STPG2: variants seen among roughly 807,000 people sequenced by gnomAD.
STPG2 encodes the protein sperm tail PG-rich repeat containing 2.
Under a neutral mutation model 54.2 loss-of-function variants are expected in STPG2, and 56 were observed. That is an observed-to-expected ratio of 1.03 (90% confidence interval 0.83 to 1.29). The LOEUF is 1.29. STPG2 is among the 50% of genes most tolerant of loss of function. The pLI, the probability that STPG2 is intolerant of heterozygous loss-of-function variation, is 0.00. For synonymous variants in STPG2, 200 were observed against 181.8 expected (o/e 1.10, Z -0.81); for missense variants, 596 against 544.9 (o/e 1.09, Z -0.93).
chr4:97,659,182 A>G (rs765557204), intron 10 of STPG2, among the ~76,000 whole-genome samples: 21 of 152,214 alleles, frequency 1.4e-4, no homozygotes, highest in Non-Finnish European at 1.5e-4. Flanking sequence ...AGATGAGTCC[A>G]TATCTTTATT....
chr4:97,882,036 CA>C (rs958824166), intron 8 of STPG2, among the ~76,000 whole-genome samples: 6 of 151,630 alleles, frequency 4.0e-5, no homozygotes, highest in African/African-American at 9.7e-5. Context: ...CACACACACA[CA>C]AAAAAAATAC....
intron 5 of STPG2, among the ~76,000 whole-genome samples, chr4:98,076,556 T>C (rs1738174124): frequency 6.6e-6 from 1 of 152,336 alleles, no homozygotes; most frequent in South Asian, 2.1e-4. Context: ...AGATTGGTCA[T>C]GTGTGATTTT....
intron 10 of STPG2, among the ~76,000 whole-genome samples, chr4:97,626,109 T>G (rs1437801043): frequency 6.6e-6 from 1 of 152,206 alleles, no homozygotes; most frequent in Non-Finnish European, 1.5e-5. Context: ...CCCATAAATG[T>G]TATTCACTCT....
At chr4:97,995,567 T>C (rs1735177289) in intron 5 of STPG2, among the ~76,000 whole-genome samples, 1 of 152,012 alleles carries the variant, frequency 6.6e-6, no homozygotes, top group African/African-American at 2.4e-5. Context: ...AAGAGGAACA[T>C]CTGCCACTGA....
At chr4:98,007,883 C>A (rs558791134) in intron 5 of STPG2, among the ~76,000 whole-genome samples, 73 of 151,974 alleles carry the variant, frequency 4.8e-4, no homozygotes, top group African/African-American at 1.6e-3. Flanking sequence ...AACTTGAAGA[C>A]AGGTCTTTTG....
chr4:97,677,382 G>A (rs1157988997), intron 10 of STPG2, among the ~76,000 whole-genome samples: 2 of 152,080 alleles, frequency 1.3e-5, no homozygotes, highest in Non-Finnish European at 2.9e-5. Context: ...TGATGACTGG[G>A]TTGTAATAGT....
chr4:97,907,793 G>A (rs2149195853), intron 8 of STPG2, among the ~76,000 whole-genome samples: 1 of 152,320 alleles, frequency 6.6e-6, no homozygotes, highest in South Asian at 2.1e-4. Context: ...AATAAATAGT[G>A]GTGGGAAAAC....
At chr4:97,568,768 A>G (rs900485823) in intron 10 of STPG2, among the ~76,000 whole-genome samples, 21 of 152,186 alleles carry the variant, frequency 1.4e-4, no homozygotes, top group African/African-American at 4.8e-4. Flanking sequence ...TGCTAATAAC[A>G]AACAAACAAC....
intron 5 of STPG2, among the ~76,000 whole-genome samples, chr4:98,023,256 G>T (rs981623104): frequency 1.4e-4 from 22 of 152,212 alleles, no homozygotes; most frequent in Non-Finnish European, 2.5e-4. Flanking sequence ...TCAGCTGCAG[G>T]TCTGTTGGAG....
At chr4:97,624,929 A>G (rs1035719568) in intron 10 of STPG2, among the ~76,000 whole-genome samples, 5 of 152,068 alleles carry the variant, frequency 3.3e-5, no homozygotes, top group Non-Finnish European at 7.4e-5. Context: ...TCAGATAATT[A>G]AGGTTGAATG....
At chr4:97,679,805 A>G (rs1722972364) in intron 10 of STPG2, among the ~76,000 whole-genome samples, 1 of 152,160 alleles carries the variant, frequency 6.6e-6, no homozygotes, top group Admixed American at 6.5e-5. Flanking sequence ...ATTTTTGTAT[A>G]AGGTGTAAGG....
At chr4:97,686,250 TTCTC>T (rs70953081) in intron 10 of STPG2, among the ~76,000 whole-genome samples, 5 of 148,390 alleles carry the variant, frequency 3.4e-5, no homozygotes, top group African/African-American at 7.4e-5. Context: ...CTTTTCCTCT[TTCTC>T]TCTCTCTCTC....
At chr4:97,484,406 A>G (rs1352581396) in intron 4 of STPG2, among the ~76,000 whole-genome samples, 3 of 151,814 alleles carry the variant, frequency 2.0e-5, no homozygotes, top group Non-Finnish European at 4.4e-5. Flanking sequence ...CTGAAATACA[A>G]AAGATCATTC....
intron 10 of STPG2, among the ~76,000 whole-genome samples, chr4:97,616,162 A>G (rs1733870232): frequency 6.9e-6 from 1 of 145,464 alleles, no homozygotes; most frequent in Non-Finnish European, 1.5e-5. Flanking sequence ...AAGGTGATAT[A>G]AAGATGAGAT....
chr4:97,739,713 C>G (rs1413236539), intron 9 of STPG2, among the ~76,000 whole-genome samples: 1 of 152,094 alleles, frequency 6.6e-6, no homozygotes, highest in Non-Finnish European at 1.5e-5. Context: ...GAAATTGTGG[C>G]AATAATCAGT....
At chr4:97,592,616 A>T (rs1457210555) in intron 10 of STPG2, among the ~76,000 whole-genome samples, 1 of 152,072 alleles carries the variant, frequency 6.6e-6, no homozygotes, top group Non-Finnish European at 1.5e-5. Context: ...GGTACACTCC[A>T]AGCAGATATT....
chr4:97,726,085 C>T (rs922773309), intron 9 of STPG2, among the ~76,000 whole-genome samples: 1 of 151,824 alleles, frequency 6.6e-6, no homozygotes, highest in Non-Finnish European at 1.5e-5. Context: ...AGGTTTAATA[C>T]AAATCAGGCC....
At chr4:98,012,216 C>G (rs1246277928) in intron 5 of STPG2, among the ~76,000 whole-genome samples, 1 of 152,116 alleles carries the variant, frequency 6.6e-6, no homozygotes, top group Non-Finnish European at 1.5e-5. Context: ...AATCCTTTCC[C>G]CATTGCTTGT....
At chr4:98,104,515 G>A (rs1310844250) in intron 5 of STPG2, among the ~76,000 whole-genome samples, 1 of 152,096 alleles carries the variant, frequency 6.6e-6, no homozygotes, top group African/African-American at 2.4e-5. Flanking sequence ...AAAAGTGATT[G>A]TACAAATCTT....
Sources: allele counts gnomAD v4.1 joint callset (sites outside exome capture counted in the v4.1 genomes callset), GRCh38; gene constraint gnomAD v4.1.1; transcripts MANE v1.5; gene names NCBI Gene and HGNC (gene_info 2026-07-23, HGNC 2026-07-21).